The following ANK3 variants were observed in gnomAD, a reference collection of about 807,000 sequenced individuals.
The protein encoded by ANK3 is ankyrin-3.
A neutral mutation model predicts 370.9 loss-of-function variants in ANK3; 57 were observed. That is an observed-to-expected ratio of 0.15 (90% CI 0.12 to 0.19). ANK3 has a LOEUF of 0.19. ANK3 is among the 10% of genes least tolerant of loss of function. ANK3 has a pLI of 1.00. For synonymous variants in ANK3, 1,929 were observed against 1,946.3 expected, an observed-to-expected ratio of 0.99 and a Z score of 0.23; for missense variants, 4,439 against 5,302.1, an observed-to-expected ratio of 0.84 and a Z score of 5.06.
At chr10:60,371,651 A>G (rs544029344) in intron 1 of ANK3, among the ~76,000 whole-genome samples, 25 of 152,292 alleles carry the variant, frequency 1.6e-4, no homozygotes, top group African/African-American at 5.1e-4. Flanking sequence ...TCCAGTCAAG[A>G]TAATTCTACA....
At chr10:60,289,485 C>T (rs949464950) in intron 1 of ANK3, among the ~76,000 whole-genome samples, 2 of 151,868 alleles carry the variant, frequency 1.3e-5, no homozygotes, top group Non-Finnish European at 2.9e-5. Flanking sequence ...TATCATGGCT[C>T]GCTGTAGCCT....
intron 2 of ANK3, among the ~76,000 whole-genome samples, chr10:60,490,904 CAAG>C (rs1315572239): frequency 6.6e-6 from 1 of 152,174 alleles, no homozygotes; most frequent in Non-Finnish European, 1.5e-5. Flanking sequence ...CTCCATCCCT[CAAG>C]AAAGTTCTTC....
At chr10:60,424,833 G>A (rs568418722) in intron 2 of ANK3, among the ~76,000 whole-genome samples, 2 of 152,136 alleles carry the variant, frequency 1.3e-5, no homozygotes, top group Non-Finnish European at 2.9e-5. Context: ...GGTGGTTGCA[G>A]GGATTACATG....
Position 60,186,901 on chromosome 10 carries a change from C to A in ANK3, c.1899G>T (p.Thr633=), listed in dbSNP as rs143441176. Residue 633 remains threonine, a synonymous_variant, in exon 17 of 44, where the codon ACG becomes ACT. Coordinates refer to ENST00000280772, the MANE Select transcript of ANK3 (RefSeq NM_020987.5). ...TCTTTTTGGCAGCGATGTGCAGTGG[C>A]GTATAACCATTCTGTCAACACAAAT... ...SPHAAAKNGY[T]PLHIAAKKNQ... The A allele has an allele frequency of 6.2e-7, 1 of 1,614,018 alleles. No individual in the cohort carries two copies. The highest frequency in any genetic ancestry group is 1.3e-5 in the African/African-American group (1 of 75,016).
chr10:60,532,873 G>T (rs775674772), intron 2 of ANK3, among the ~76,000 whole-genome samples: 16 of 152,038 alleles, frequency 1.1e-4, no homozygotes, highest in Non-Finnish European at 8.8e-5. Flanking sequence ...GAAATGTTGG[G>T]CAGGGAACAA....
Position 60,084,811 on chromosome 10 carries a change from G to T in ANK3, c.3865C>A (p.His1289Asn), listed in dbSNP as rs797045234. The part of the protein sequence containing the change: ...VSARFWLADC[H>N]QVLETVGLAT... ...AACCCCACAGTTTCTAAAACTTGAT[G>T]GCAGTCTGCAAGCCAAAATCTGAGC... Residue 1289 changes from histidine to asparagine, a missense_variant, in exon 32 of 44, where the codon CAT becomes AAT. Physicochemically the swap from His to Asn is moderately conservative, Grantham distance 68. Around this residue, in one of 13 missense-constraint regions of ANK3, gnomAD observed 702 missense variants for 941.5 expected, o/e 0.75. Transcript: ENST00000280772. The T allele has an allele frequency of 6.4e-7, 1 of 1,552,038 alleles. No homozygotes were observed. The highest frequency in any genetic ancestry group is 8.7e-7 in the Non-Finnish European group (1 of 1,151,776).
In ANK3 at chr10:60,178,765, A is replaced by ACCTTAGAGGTG. The variant is rs2096054338; in HGVS notation, c.2184+2563_2184+2564insCACCTCTAAGG. 5.3e-5 allele frequency among the ~76,000 whole-genome samples: 8 copies of ACCTTAGAGGTG among 152,242 alleles called. No individual in the cohort carries two copies. In the South Asian group the frequency reaches 1.7e-3, roughly 32 times the overall value. ...CCCTAATTAGTGTCCTCTAAGAATC[A>ACCTTAGAGGTG]ATGCCTTTCAGGGGTGGTCTAAATA... On this transcript the variant is annotated intron_variant, in intron 18 of 43. Transcript: ENST00000280772.
chr10:60,609,826 G>A (rs1339060799), intron 2 of ANK3, among the ~76,000 whole-genome samples: 1 of 152,006 alleles, frequency 6.6e-6, no homozygotes, highest in Non-Finnish European at 1.5e-5. Context: ...TTATCTTTCA[G>A]CCATATTTAC....
intron 17 of ANK3, 45 bp from the exon 18 acceptor site, chr10:60,181,472 T>C: frequency 6.5e-7 from 1 of 1,529,616 alleles, no homozygotes; most frequent in Non-Finnish European, 9.1e-7. Context: ...GGAAGGAATG[T>C]CACACACATA....
chr10:60,183,294 T>C (rs552692506), intron 17 of ANK3, among the ~76,000 whole-genome samples: 1 of 152,332 alleles, frequency 6.6e-6, no homozygotes, highest in East Asian at 1.9e-4. Flanking sequence ...TGTGAGCTTG[T>C]TGAGGCAAGT....
At chr10:60,350,002 T>C (rs1486064641) in intron 1 of ANK3, among the ~76,000 whole-genome samples, 2 of 152,144 alleles carry the variant, frequency 1.3e-5, no homozygotes, top group Non-Finnish European at 2.9e-5. Flanking sequence ...AGCTAACATA[T>C]CCATTTCCTA....
intron 23 of ANK3, among the ~76,000 whole-genome samples, chr10:60,157,000 C>T (rs898342019): frequency 2.7e-5 from 4 of 150,318 alleles, no homozygotes; most frequent in Admixed American, 6.6e-5. Flanking sequence ...CTCTCAGATA[C>T]GGAATTCAAA....
intron 5 of ANK3, among the ~76,000 whole-genome samples, chr10:60,268,856 T>C (rs1193433806): frequency 6.6e-6 from 1 of 152,196 alleles, no homozygotes; most frequent in East Asian, 1.9e-4. Flanking sequence ...TCTTATTTTG[T>C]ATCTGACTAA....
chr10:60,590,176 C>T (rs2077890123), intron 2 of ANK3, among the ~76,000 whole-genome samples: 1 of 152,180 alleles, frequency 6.6e-6, no homozygotes, highest in Non-Finnish European at 1.5e-5. Context: ...TTTAGCCCTG[C>T]CCTATCCAAT....
intron 1 of ANK3, among the ~76,000 whole-genome samples, chr10:60,321,898 A>C (rs1294702049): frequency 1.3e-5 from 2 of 152,150 alleles, no homozygotes; most frequent in Non-Finnish European, 1.5e-5. Context: ...TGAATAGATA[A>C]GTTTCTGTAA....
At chr10:60,669,682 C>T (rs1000003011) in intron 1 of ANK3, among the ~76,000 whole-genome samples, 5 of 152,204 alleles carry the variant, frequency 3.3e-5, no homozygotes, top group African/African-American at 1.2e-4. Context: ...GCACCACATA[C>T]CTCCTGGTTT....
Position 60,131,779 on chromosome 10 carries a change from T to C in ANK3, c.2841+2492A>G, listed in dbSNP as rs532205378. Among the ~76,000 whole-genome samples the C allele has an allele frequency of 6.6e-5, 10 of 152,242 alleles. No homozygotes were observed. The South Asian group carries it at 2.1e-3, about 32-fold the overall frequency. On this transcript the variant is annotated intron_variant, in intron 25 of 43. Transcript: ENST00000280772. The stretch of plus-strand genomic sequence containing the variant: ...GTAACTATGGTGGTAATAGTGGTGG[T>C]GGTAGCAGTGGTGGAGGTGACAGTG...
intron 2 of ANK3, among the ~76,000 whole-genome samples, chr10:60,407,443 C>A (rs74155607): frequency 1.3e-5 from 2 of 152,078 alleles, no homozygotes; most frequent in African/African-American, 4.8e-5. Flanking sequence ...GACAAAGTTG[C>A]GAGGGTATAT....
chr10:60,496,473 T>G (rs2075658747), intron 2 of ANK3, among the ~76,000 whole-genome samples: 1 of 152,036 alleles, frequency 6.6e-6, no homozygotes, highest in African/African-American at 2.4e-5. Flanking sequence ...CAATGTAATC[T>G]TCTTCCTATT....
Sources: gnomAD v4.1 joint callset for allele counts (sites outside exome capture counted in the v4.1 genomes callset) on GRCh38, gnomAD v4.1.1 for gene constraint, gnomAD v4.1.1 regional missense constraint, MANE v1.5 for transcripts, NCBI Gene and HGNC (gene_info 2026-07-23, HGNC 2026-07-21) for gene names.